Variants in SLC9A6 observed in about 807,000 individuals in gnomAD.
SLC9A6 encodes the protein sodium/hydrogen exchanger 6.
SLC9A6 carries 6 observed loss-of-function variants against 45.3 expected under a neutral mutation model. That is an observed-to-expected ratio of 0.13 (90% CI 0.07 to 0.26). The LOEUF (loss-of-function observed/expected upper bound fraction) is 0.26. SLC9A6 is among the 10% of genes least tolerant of loss of function. The pLI, the probability that SLC9A6 is intolerant of heterozygous loss-of-function variation, is 1.00. For synonymous variants in SLC9A6, 191 were observed against 187.7 expected (o/e 1.02, Z -0.14); for missense variants, 278 against 503.7 (o/e 0.55, Z 4.29).
chrX:136,027,806 A>G (rs1327736386), intron 13 of SLC9A6, among the ~76,000 whole-genome samples: 2 of 112,416 alleles, frequency 1.8e-5, no homozygotes, highest in Non-Finnish European at 3.8e-5. Flanking sequence ...AAAGCAAGGG[A>G]GTGACATGAA....
At chrX:136,043,529 A>G (rs1320607013) in intron 17 of SLC9A6, among the ~76,000 whole-genome samples, 2 of 112,083 alleles carry the variant, frequency 1.8e-5, no homozygotes, top group African/African-American at 6.5e-5. Context: ...AAAGCTGGAG[A>G]ATATACTTCC....
Position 135,998,523 on chromosome X carries a change from T to A in SLC9A6, c.489T>A (p.Ala163=). ...ATCTTGGGTCTATCCTAGCATACGC[T>A]TTTCTTGGAACAGCAATTTCTTGTT... ...FRNLGSILAY[A]FLGTAISCFV... The change falls in exon 5 of 18, where the codon GCT becomes GCA. Residue 163 remains alanine (A), a synonymous_variant. Coordinates refer to ENST00000630721, the MANE Select transcript of SLC9A6 (RefSeq NM_001379110.1). 3 of 1,195,368 alleles carry A rather than the reference T, an allele frequency of 2.5e-6. No individual in the cohort carries two copies. Among genetic ancestry groups the A allele is most frequent in the Non-Finnish European group, 3.4e-6 (3 of 887,170 alleles).
In SLC9A6 at chrX:136,013,348, G is replaced by T; in HGVS notation, c.992-1G>T. The T allele has an allele frequency of 8.4e-7, 1 of 1,193,563 alleles. No individual in the cohort carries two copies. Among genetic ancestry groups the T allele is most frequent in the South Asian group, 1.8e-5 (1 of 56,494 alleles). ...GAACTTGGAATTTGTTGTCTTTATA[G>T]GTGTAGTTGCAGTATTGTTTTGTGG... On this transcript the variant is annotated splice_acceptor_variant, in intron 9 of 17. Transcript: ENST00000630721. LOFTEE classifies it high-confidence loss of function.
At chrX:135,981,299 C>G (rs1173277267), upstream of SLC9A6, among the ~76,000 whole-genome samples, 1 of 111,069 alleles carries the variant, frequency 9.0e-6, no homozygotes, top group African/African-American at 3.3e-5. Context: ...GGGGGAAACG[C>G]CACACACTTT....
intron 1 of SLC9A6, among the ~76,000 whole-genome samples, chrX:135,979,984 T>C (rs2089279310): frequency 9.0e-6 from 1 of 111,487 alleles, no homozygotes; most frequent in South Asian, 3.8e-4. Context: ...CAGGCTGGTC[T>C]TGAACTCCTG....
Position 136,028,926 on chromosome X carries a change from C to G in SLC9A6, c.1501C>G (p.His501Asp). Residue 501 changes from histidine (H) to aspartate (D), a missense_variant, in exon 14 of 18, where the codon CAT (histidine) becomes GAT (aspartate). Coordinates refer to ENST00000630721, the MANE Select transcript of SLC9A6 (RefSeq NM_001379110.1). ...RLWGYRDELR[H>D]GLYPQGTHSL... ...CTGGGGATACAGAGATGAATTGAGA[C>G]ATGGCCTTTACCCTCAAGGAACTCA... The G allele has an allele frequency of 6.7e-6, 2 of 297,273 alleles. No homozygotes were observed. The highest frequency in any genetic ancestry group is 1.2e-5 in the Non-Finnish European group (2 of 170,176). The allele number at this position is 297,273 out of a possible 1,213,427, so 24.5% of individuals were successfully genotyped here. A position where few individuals can be genotyped will look rare whatever the true frequency, so the allele number is the denominator to read the frequency against.
In SLC9A6 at chrX:136,030,114, T is replaced by G. The variant is rs782056708; in HGVS notation, c.1551-18T>G. On this transcript the variant is annotated intron_variant, in intron 14 of 17. Coordinates refer to ENST00000630721, the MANE Select transcript of SLC9A6 (RefSeq NM_001379110.1). ...TTTGGCTTCAAAATCTCATTTGCTC[T>G]TTGTCTTTCTCCTTTAGGGTTGGTG... The G allele has an allele frequency of 8.3e-6, 10 of 1,208,496 alleles. No individual in the cohort carries two copies. The highest frequency in any genetic ancestry group is 4.4e-5 in the Admixed American group (2 of 45,883).
chrX:136,021,039 G>A (rs1556619887), intron 11 of SLC9A6, among the ~76,000 whole-genome samples: 2 of 110,102 alleles, frequency 1.8e-5, no homozygotes, highest in Admixed American at 1.9e-4. Context: ...AGTGTTACTT[G>A]GTGTCTTTGC....
chrX:136,013,042 T>C lies in SLC9A6; in HGVS notation c.979T>C (p.Trp327Arg). ...SWSTFLLAEA[W>R]GFTGVVAVLF... ...GAGTACCTTCCTCTTGGCTGAAGCA[T>C]GGGGCTTCACAGGTAGGTGACTTGC... Residue 327 changes from tryptophan (W) to arginine (R), a missense_variant, in exon 9 of 18, where the codon TGG becomes CGG. Coordinates refer to ENST00000630721, the MANE Select transcript of SLC9A6 (RefSeq NM_001379110.1). 2.5e-6 allele frequency: 3 copies of C among 1,186,975 alleles called. No individual in the cohort carries two copies. Among genetic ancestry groups the C allele is most frequent in the Non-Finnish European group, 3.4e-6 (3 of 872,749 alleles).
chrX:135,974,645 T>C, exon 1 of SLC9A6: 2 of 341,613 alleles, frequency 5.9e-6, no homozygotes, highest in South Asian at 5.2e-5. Context: ...AGGCCTTTCC[T>C]GTGCTTCAGC....
chrX:136,025,982 C>T (rs781957770), intron 13 of SLC9A6, among the ~76,000 whole-genome samples: 16 of 111,487 alleles, frequency 1.4e-4, no homozygotes, highest in African/African-American at 4.2e-4. Context: ...TTACCATCCC[C>T]GCAAAAAGAA....
intron 7 of SLC9A6, among the ~76,000 whole-genome samples, chrX:136,003,236 G>A (rs372791804): frequency 2.7e-5 from 3 of 109,109 alleles, no homozygotes; most frequent in East Asian, 5.9e-4. Context: ...TGATCTGCCC[G>A]CCTCGGCCTC....
chrX:135,991,383 A>G (rs1041805868), intron 2 of SLC9A6, among the ~76,000 whole-genome samples: 28 of 108,923 alleles, frequency 2.6e-4, no homozygotes, highest in African/African-American at 8.4e-4. Flanking sequence ...TCAGCCTCCC[A>G]AGTAGCTGGG....
chrX:135,976,800 A>C (rs2089265513), intron 1 of SLC9A6, among the ~76,000 whole-genome samples: 2 of 111,467 alleles, frequency 1.8e-5, no homozygotes, highest in South Asian at 7.5e-4. Flanking sequence ...CTTCAGGGAG[A>C]TCACCCATGT....
intron 11 of SLC9A6, among the ~76,000 whole-genome samples, chrX:136,020,444 C>T (rs1310224282): frequency 9.0e-6 from 1 of 111,683 alleles, no homozygotes; most frequent in Non-Finnish European, 1.9e-5. Flanking sequence ...CTCCGCCTCC[C>T]GGGTCCAGGC....
chrX:135,973,975 G>T (rs1427676652), upstream of SLC9A6: 1 of 1,039,381 alleles, frequency 9.6e-7, no homozygotes, highest in Non-Finnish European at 1.3e-6. Context: ...CGGGAGCTAC[G>T]GGGAAGCGAA....
chrX:136,044,689 A>G lies in SLC9A6; in HGVS notation c.2005A>G (p.Asn669Asp), dbSNP rs2071569910. 8.3e-7 allele frequency: 1 copy of G among 1,208,998 alleles called. No homozygotes were observed. Among genetic ancestry groups the G allele is most frequent in the Non-Finnish European group, 1.1e-6 (1 of 894,652 alleles). The change falls in exon 18 of 18, where the codon AAT (asparagine) becomes GAT (aspartate). Residue 669 changes from asparagine (N) to aspartate (D), a missense_variant. Transcript: ENST00000630721. ...LPMDDSEPPL[N>D]LLDNTRHGPA Reference sequence around the variant, plus strand: ...AATGGATGATTCTGAACCCCCGCTAAATTTGTTAGATAATACGAGACATGG... The same window carrying G: ...AATGGATGATTCTGAACCCCCGCTAGATTTGTTAGATAATACGAGACATGG...
chrX:135,986,016 C>T (rs1012131890), intron 2 of SLC9A6, among the ~76,000 whole-genome samples, 189 bp downstream of exon 2: 2 of 109,130 alleles, frequency 1.8e-5, no homozygotes, highest in Admixed American at 2.0e-4. Flanking sequence ...GCCTCGCGCC[C>T]CATTTTATCT....
At position 136,044,730 on chromosome X, in the gene SLC9A6, C is replaced by T. The variant is rs781874329; in HGVS notation, c.*6C>T. On this transcript the variant is annotated 3_prime_UTR_variant, in exon 18 of 18. Transcript: ENST00000630721. Reference sequence around the variant, plus strand: ...CGAGACATGGTCCAGCCTAAGCTTACTAATACTCACTTAGTGATTTGTAAA... The same window carrying T: ...CGAGACATGGTCCAGCCTAAGCTTATTAATACTCACTTAGTGATTTGTAAA... 34 of 1,202,098 alleles carry T rather than the reference C, an allele frequency of 2.8e-5. 1 individual carries two copies. Among genetic ancestry groups the T allele is most frequent in the Non-Finnish European group, 9.0e-6 (8 of 887,933 alleles).
Sources: gnomAD v4.1 joint callset for allele counts (sites outside exome capture counted in the v4.1 genomes callset) on GRCh38, gnomAD v4.1.1 for gene constraint, MANE v1.5 for transcripts, NCBI Gene and HGNC (gene_info 2026-07-23, HGNC 2026-07-21) for gene names.